Variants in SHLD2 observed in about 807,000 individuals in gnomAD.
SHLD2 encodes the protein shieldin complex subunit 2, also known as RINN1-REV7-interacting novel NHEJ regulator 2.
Under a neutral mutation model 73.2 loss-of-function variants are expected in SHLD2, and 30 were observed. That is an observed-to-expected ratio of 0.41 (90% confidence interval 0.31 to 0.56). SHLD2 has a LOEUF of 0.56. Ranked by LOEUF, SHLD2 falls within the 20% of genes least tolerant of loss-of-function variation. The pLI, the probability that SHLD2 is intolerant of heterozygous loss-of-function variation, is 0.28. For missense variants in SHLD2, 745 were observed against 1,055.9 expected, an observed-to-expected ratio of 0.71 and a Z score of 4.08; for synonymous variants, 285 against 370.1, an observed-to-expected ratio of 0.77 and a Z score of 2.64.
At chr10:87,179,569 T>C (rs1164877569) in intron 7 of SHLD2, among the ~76,000 whole-genome samples, 3 of 152,190 alleles carry the variant, frequency 2.0e-5, no homozygotes, top group Admixed American at 2.0e-4. Context: ...GCCTGGCTAA[T>C]TTTTTGTATT....
At chr10:87,095,994 C>T (rs1240927794) in intron 1 of SHLD2, among the ~76,000 whole-genome samples, 1 of 152,188 alleles carries the variant, frequency 6.6e-6, no homozygotes, top group Non-Finnish European at 1.5e-5. Context: ...AATTCTTTCT[C>T]AGGAATATAT....
intron 6 of SHLD2, among the ~76,000 whole-genome samples, chr10:87,173,807 A>C (rs1201924432): frequency 6.6e-6 from 1 of 152,202 alleles, no homozygotes; most frequent in Non-Finnish European, 1.5e-5. Context: ...ACACATATCT[A>C]TAGAGATAAA....
intron 2 of SHLD2, among the ~76,000 whole-genome samples, chr10:87,144,900 G>A (rs1429504166): frequency 2.2e-5 from 3 of 134,226 alleles, no homozygotes; most frequent in Non-Finnish European, 4.7e-5. Flanking sequence ...TGCTGGGATT[G>A]ATTACAGGCG....
At chr10:87,110,331 C>G (rs1317908708) in intron 2 of SHLD2, among the ~76,000 whole-genome samples, 1 of 147,940 alleles carries the variant, frequency 6.8e-6, no homozygotes, top group African/African-American at 2.5e-5. Flanking sequence ...CTCTTTTGGC[C>G]AGGCACAATG....
chr10:87,190,707 A>G lies in SHLD2; in HGVS notation c.*24A>G. 6.3e-7 allele frequency: 1 copy of G among 1,585,680 alleles called. No homozygotes were observed. The highest frequency in any genetic ancestry group is 1.3e-5 in the African/African-American group (1 of 74,392). ...GAGGCCAGAGGAAGAAATTGCAGGC[A>G]TTTCAAGGAAGAAGTACTGAAATGA... On this transcript the variant is annotated 3_prime_UTR_variant, in exon 10 of 10. Coordinates refer to ENST00000298786, the MANE Select transcript of SHLD2 (RefSeq NM_001330112.2).
rs1167931484 is a variant in SHLD2 at position 87,152,079 on chromosome 10, T to G, written c.725T>G (p.Phe242Cys). Residue 242 changes from phenylalanine (F) to cysteine (C), a missense_variant, in exon 3 of 10, where the codon TTT becomes TGT. By Grantham distance (205) the Phe-to-Cys change is radical. This residue lies in a region of SHLD2 where 280 missense variants were observed against 353.9 expected (regional missense o/e 0.79). Coordinates refer to ENST00000298786, the MANE Select transcript of SHLD2 (RefSeq NM_001330112.2). ...SDLKISTDTE[F>C]LSIITSSQVA... The stretch of plus-strand genomic sequence containing the variant: ...CTTAAAATATCAACTGATACAGAAT[T>G]TCTCAGTATAATTACCTCCAGCCAG... 1 of 1,611,850 alleles carries G rather than the reference T, an allele frequency of 6.2e-7. No homozygotes were observed. Among genetic ancestry groups the G allele is most frequent in the Non-Finnish European group, 8.5e-7 (1 of 1,179,838 alleles).
At chr10:87,131,377 C>T (rs1473674100) in intron 2 of SHLD2, among the ~76,000 whole-genome samples, 13 of 152,210 alleles carry the variant, frequency 8.5e-5, no homozygotes, top group African/African-American at 2.7e-4. Context: ...CATTCCCTCC[C>T]TCCCTCAGCC....
Position 87,152,488 on chromosome 10 carries a change from A to G in SHLD2, c.1134A>G (p.Arg378=). 1 of 1,611,906 alleles carries G rather than the reference A, an allele frequency of 6.2e-7. No individual in the cohort carries two copies. The highest frequency in any genetic ancestry group is 8.5e-7 in the Non-Finnish European group (1 of 1,179,842). Reference sequence around the variant, plus strand: ...CCTTCCACAAAAGTGCTATTAAAAGAAGCTGTACCTCTGAAGATAAAGTGG... The same window carrying G: ...CCTTCCACAAAAGTGCTATTAAAAGGAGCTGTACCTCTGAAGATAAAGTGG... ...LNTFHKSAIK[R]SCTSEDKVGQ... is the part of the protein sequence containing the mutation. The change falls in exon 3 of 10, where the codon AGA becomes AGG. Residue 378 remains arginine, a synonymous_variant. Coordinates refer to ENST00000298786, the MANE Select transcript of SHLD2 (RefSeq NM_001330112.2).
intron 4 of SHLD2, among the ~76,000 whole-genome samples, chr10:87,160,642 A>C (rs1846737188): frequency 6.6e-6 from 1 of 152,154 alleles, no homozygotes; most frequent in Non-Finnish European, 1.5e-5. Flanking sequence ...GATGTCCACT[A>C]TCTCTGCAAC....
chr10:87,156,888 A>G (rs1373685024), intron 3 of SHLD2, among the ~76,000 whole-genome samples: 1 of 152,180 alleles, frequency 6.6e-6, no homozygotes, highest in African/African-American at 2.4e-5. Context: ...GCCTGAACTC[A>G]TTAATGCTCT....
At chr10:87,133,122 T>A (rs1307418512) in intron 2 of SHLD2, among the ~76,000 whole-genome samples, 1 of 152,194 alleles carries the variant, frequency 6.6e-6, no homozygotes, top group Non-Finnish European at 1.5e-5. Flanking sequence ...TATATTGCTT[T>A]ATGTGGAGTT....
At chr10:87,113,549 G>T (rs575104727) in intron 2 of SHLD2, among the ~76,000 whole-genome samples, 2 of 152,302 alleles carry the variant, frequency 1.3e-5, no homozygotes, top group East Asian at 3.9e-4. Flanking sequence ...ATGGTTTCTA[G>T]GAGATGGGGA....
In SHLD2 at chr10:87,190,563, T is replaced by C. The variant is rs1268497835; in HGVS notation, c.2595T>C (p.Cys865=). 1 of 1,611,954 alleles carries C rather than the reference T, an allele frequency of 6.2e-7. No individual in the cohort carries two copies. Among genetic ancestry groups the C allele is most frequent in the South Asian group, 1.1e-5 (1 of 90,988 alleles). The stretch of plus-strand genomic sequence containing the variant: ...TGTTGGCAGTCAGCGCAGAACCTTG[T>C]GTATTAAAGATTCAGAGCCTTTTTG... ...HSLLAVSAEP[C]VLKIQSLFVL... is the part of the protein sequence containing the mutation. Residue 865 remains cysteine, a synonymous_variant, in exon 10 of 10, where the codon TGT becomes TGC. Coordinates refer to ENST00000298786, the MANE Select transcript of SHLD2 (RefSeq NM_001330112.2).
chr10:87,135,863 A>G lies in SHLD2; in HGVS notation c.-5-15487A>G, dbSNP rs145991566. 8.0e-3 allele frequency among the ~76,000 whole-genome samples: 1,221 copies of G among 152,192 alleles called. 8 individuals are homozygous for G. Among genetic ancestry groups the G allele is most frequent in the African/African-American group, 0.028 (1,153 of 41,508 alleles). ...GTCAATATGACTAATCGGTGTTGCT[A>G]TTGACCTTGATCATCTGGTTGAGGT... On this transcript the variant is annotated intron_variant, in intron 2 of 9. Coordinates refer to ENST00000298786, the MANE Select transcript of SHLD2 (RefSeq NM_001330112.2).
intron 2 of SHLD2, among the ~76,000 whole-genome samples, chr10:87,100,322 A>G (rs1283239757): frequency 6.6e-6 from 1 of 152,180 alleles, no homozygotes; most frequent in Non-Finnish European, 1.5e-5. Flanking sequence ...GTGGCTATCC[A>G]GTTCATTTGC....
chr10:87,110,424 A>C (rs1842847734), intron 2 of SHLD2, among the ~76,000 whole-genome samples: 2 of 152,114 alleles, frequency 1.3e-5, no homozygotes, highest in African/African-American at 4.8e-5. Flanking sequence ...CCTAGCCAAC[A>C]GGGAAACCCC....
chr10:87,098,931 A>G (rs1842086374), intron 2 of SHLD2, among the ~76,000 whole-genome samples: 1 of 151,714 alleles, frequency 6.6e-6, no homozygotes, highest in African/African-American at 2.4e-5. Flanking sequence ...ACCTGCCGCC[A>G]CTCCCGGCTA....
Position 87,128,801 on chromosome 10 carries a change from A to G in SHLD2, c.-5-22549A>G, listed in dbSNP as rs541108477. ...AAACTTGTAAATGATATGCTTTAAT[A>G]TGGTTGTACTGTATTTTAAACAATT... On this transcript the variant is annotated intron_variant, in intron 2 of 9. Coordinates refer to ENST00000298786, the MANE Select transcript of SHLD2 (RefSeq NM_001330112.2). Among the ~76,000 whole-genome samples, 61 of 152,280 alleles carry G rather than the reference A, an allele frequency of 4.0e-4. 1 individual carries two copies. The South Asian group carries it at 0.012, about 31-fold the overall frequency.
At chr10:87,137,070 T>A (rs1802387940) in intron 2 of SHLD2, among the ~76,000 whole-genome samples, 1 of 152,152 alleles carries the variant, frequency 6.6e-6, no homozygotes, top group African/African-American at 2.4e-5. Context: ...ATAAAATGTC[T>A]GGTGTGTAAT....
Sources: allele counts gnomAD v4.1 joint callset (sites outside exome capture counted in the v4.1 genomes callset), GRCh38; gene constraint gnomAD v4.1.1; regional missense constraint gnomAD v4.1.1; transcripts MANE v1.5; gene names NCBI Gene and HGNC (gene_info 2026-07-23, HGNC 2026-07-21).